The following SLC4A5 variants were observed in gnomAD, a reference collection of about 807,000 sequenced individuals.
SLC4A5 encodes solute carrier family 4 member 5.
A neutral mutation model predicts 120.4 loss-of-function variants in SLC4A5; 96 were observed. That is an observed-to-expected ratio of 0.80 (90% CI 0.68 to 0.94). The LOEUF (loss-of-function observed/expected upper bound fraction) is 0.94. Among genes scored for constraint, SLC4A5 ranks in the 40% least tolerant of loss-of-function variants. The pLI, the probability that SLC4A5 is intolerant of heterozygous loss-of-function variation, is 0.00. For synonymous variants in SLC4A5, 550 were observed against 571.1 expected, an observed-to-expected ratio of 0.96 and a Z score of 0.53; for missense variants, 1,259 against 1,459.5, an observed-to-expected ratio of 0.86 and a Z score of 2.24.
intron 5 of SLC4A5, among the ~76,000 whole-genome samples, chr2:74,327,389 A>G (rs1008756403): frequency 7.9e-5 from 12 of 152,210 alleles, no homozygotes; most frequent in Non-Finnish European, 1.5e-4. Flanking sequence ...TGTGAACTGA[A>G]TCGACAAGAA....
intron 21 of SLC4A5, among the ~76,000 whole-genome samples, chr2:74,236,832 T>G (rs988978322): frequency 1.3e-5 from 2 of 152,192 alleles, no homozygotes; most frequent in African/African-American, 4.8e-5. Flanking sequence ...CCAAATTGGA[T>G]GTATCTGTCT....
At chr2:74,245,928 A>G (rs1421719550) in intron 19 of SLC4A5, among the ~76,000 whole-genome samples, 1 of 152,184 alleles carries the variant, frequency 6.6e-6, no homozygotes, top group Non-Finnish European at 1.5e-5. Flanking sequence ...GCCCGCATTG[A>G]GACCCCTCTT....
chr2:74,335,911 C>A (rs1015691171), intron 3 of SLC4A5, among the ~76,000 whole-genome samples: 5 of 152,086 alleles, frequency 3.3e-5, no homozygotes, highest in Admixed American at 2.0e-4. Flanking sequence ...AAATACAATT[C>A]CAAGGGCATT....
At position 74,232,416 on chromosome 2, in the gene SLC4A5, C is replaced by T. The variant is rs181791013; in HGVS notation, c.2774+53G>A. 12 of 1,574,424 alleles carry T rather than the reference C, an allele frequency of 7.6e-6. No individual in the cohort carries two copies. The Admixed American group carries it at 2.2e-4, about 29-fold the overall frequency. On this transcript the variant is annotated intron_variant, in intron 24 of 30. Coordinates refer to ENST00000394019, the Ensembl canonical transcript of SLC4A5. ...GTGGCAGGCAAAGCCAGCTTCTCCT[C>T]CCCGAGTGGGCCCCTCCCCATTGGG...
intron 30 of SLC4A5, among the ~76,000 whole-genome samples, chr2:74,219,216 TG>T (rs1694543867): frequency 9.4e-6 from 1 of 106,390 alleles, no homozygotes; most frequent in East Asian, 2.4e-4. Flanking sequence ...TGTGTGTGTG[TG>T]TGTTTGTGTG....
At chr2:74,331,782 C>G (rs1477614103) in intron 4 of SLC4A5, among the ~76,000 whole-genome samples, 1 of 152,128 alleles carries the variant, frequency 6.6e-6, no homozygotes, top group Non-Finnish European at 1.5e-5. Flanking sequence ...GTACTCTCCA[C>G]TTACTGCTCT....
chr2:74,221,393 C>T, intron 30 of SLC4A5, 41 bp downstream of exon 30: 1 of 1,479,522 alleles, frequency 6.8e-7, no homozygotes, highest in Non-Finnish European at 9.4e-7. Flanking sequence ...ATTTCCTAGT[C>T]TCTTACCTAA....
intron 3 of SLC4A5, among the ~76,000 whole-genome samples, chr2:74,335,616 T>A (rs1673463922): frequency 6.6e-6 from 1 of 152,168 alleles, no homozygotes; most frequent in African/African-American, 2.4e-5. Flanking sequence ...ATAAGAGGGC[T>A]ATGGAAAGAC....
At chr2:74,244,780 G>C (rs1048597929) in intron 19 of SLC4A5, among the ~76,000 whole-genome samples, 1 of 152,126 alleles carries the variant, frequency 6.6e-6, no homozygotes, top group African/African-American at 2.4e-5. Context: ...GGGGTAGGAG[G>C]CTACGAATTT....
intron 4 of SLC4A5, among the ~76,000 whole-genome samples, chr2:74,333,449 A>T (rs774185742): frequency 4.4e-4 from 67 of 152,344 alleles, no homozygotes; most frequent in Admixed American, 8.5e-4. Flanking sequence ...GTCAACAAAC[A>T]GCAGATCAAA....
intron 5 of SLC4A5, among the ~76,000 whole-genome samples, chr2:74,321,440 C>T (rs890955575): frequency 6.6e-6 from 1 of 152,120 alleles, no homozygotes; most frequent in Non-Finnish European, 1.5e-5. Flanking sequence ...GCAAATGAAA[C>T]TACAGTTTGC....
At chr2:74,236,324 T>C (rs1670268031) in intron 21 of SLC4A5, among the ~76,000 whole-genome samples, 1 of 152,250 alleles carries the variant, frequency 6.6e-6, no homozygotes, top group Admixed American at 6.5e-5. Flanking sequence ...ATAGTTAATT[T>C]TAAGCTCCTA....
At chr2:74,264,856 C>T (rs767268544) in intron 9 of SLC4A5, among the ~76,000 whole-genome samples, 20 of 152,194 alleles carry the variant, frequency 1.3e-4, no homozygotes, top group Non-Finnish European at 2.9e-4. Context: ...GGCCCTCTCC[C>T]CTTTTACCAC....
intron 19 of SLC4A5, among the ~76,000 whole-genome samples, chr2:74,245,831 G>A (rs1013000852): frequency 6.6e-6 from 1 of 152,116 alleles, no homozygotes; most frequent in African/African-American, 2.4e-5. Context: ...ATGTATTAAG[G>A]GGCTGAACCC....
chr2:74,342,960 T>C (rs1573122076), intron 1 of SLC4A5, among the ~76,000 whole-genome samples: 1 of 152,006 alleles, frequency 6.6e-6, no homozygotes, highest in Non-Finnish European at 1.5e-5. Flanking sequence ...CTCAAGAATA[T>C]GCACAGAGGT....
At chr2:74,299,132 C>T (rs944439129) in intron 7 of SLC4A5, among the ~76,000 whole-genome samples, 5 of 152,110 alleles carry the variant, frequency 3.3e-5, no homozygotes, top group Admixed American at 6.5e-5. Flanking sequence ...AGGCAGATCA[C>T]CTGAGGCTGG....
chr2:74,323,737 A>G (rs1031051970), intron 5 of SLC4A5, among the ~76,000 whole-genome samples: 2 of 152,264 alleles, frequency 1.3e-5, no homozygotes, highest in East Asian at 3.8e-4. Flanking sequence ...GCATGTAATC[A>G]TGAGTATAAA....
chr2:74,249,812 C>G (rs990912417), intron 17 of SLC4A5, among the ~76,000 whole-genome samples: 3 of 152,184 alleles, frequency 2.0e-5, no homozygotes, highest in Non-Finnish European at 4.4e-5. Context: ...CCTTGGGGTA[C>G]TGAGCTTTCC....
intron 6 of SLC4A5, among the ~76,000 whole-genome samples, chr2:74,305,845 C>T (rs1293629648): frequency 6.6e-6 from 1 of 151,818 alleles, no homozygotes; most frequent in Non-Finnish European, 1.5e-5. Flanking sequence ...CTGCCTCAGC[C>T]TCCCAAGTAG....
Sources: gnomAD v4.1 joint callset for allele counts (sites outside exome capture counted in the v4.1 genomes callset) on GRCh38, gnomAD v4.1.1 for gene constraint, MANE v1.5 for transcripts, NCBI Gene and HGNC (gene_info 2026-07-23, HGNC 2026-07-21) for gene names.